Variants in GET1 observed in about 807,000 individuals in gnomAD.
GET1 encodes the protein guided entry of tail-anchored proteins factor 1, also known as congenital heart disease 5 protein.
Under a neutral mutation model 22.6 loss-of-function variants are expected in GET1, and 20 were observed. The ratio of observed to expected loss-of-function variants is 0.89; its 90% CI spans 0.62 to 1.29. The LOEUF is 1.29. Among genes scored for constraint, GET1 ranks in the 50% most tolerant of loss-of-function variants. GET1 has a pLI of 0.00. For missense variants in GET1, 209 were observed against 219.9 expected, an observed-to-expected ratio of 0.95 and a Z score of 0.31; for synonymous variants, 92 against 83.8, an observed-to-expected ratio of 1.10 and a Z score of -0.53.
chr21:39,422,980 A>AT (rs1198290766), intron 1 of GET1: 4 of 1,613,140 alleles, frequency 2.5e-6, no homozygotes, highest in Non-Finnish European at 2.5e-6. Context: ...ACAGACCTGT[A>AT]TTTTTTTGTC....
chr21:39,391,556 A>G (rs748805787), intron 2 of GET1: 14 of 524,586 alleles, frequency 2.7e-5, no homozygotes, highest in Non-Finnish European at 4.7e-5. Context: ...AGCTATTCAA[A>G]TCTCAATCTG....
At chr21:39,416,909 T>C (rs1190837307) in intron 1 of GET1, among the ~76,000 whole-genome samples, 1 of 152,246 alleles carries the variant, frequency 6.6e-6, no homozygotes, top group Non-Finnish European at 1.5e-5. Flanking sequence ...TTTCTGTGGC[T>C]TTGTGCCACC....
At chr21:39,414,734 C>CTGTGTG (rs1446676855) in intron 1 of GET1, among the ~76,000 whole-genome samples, 73 of 103,258 alleles carry the variant, frequency 7.1e-4, no homozygotes, top group African/African-American at 2.3e-3. Flanking sequence ...CTCTCTCTCT[C>CTGTGTG]TCTCTCTCTG....
At chr21:39,414,740 C>G (rs34548181) in intron 1 of GET1, among the ~76,000 whole-genome samples, 52,519 of 98,956 alleles carry the variant, frequency 0.53, 13,095 homozygotes, top group Admixed American at 0.58. Context: ...CTCTCTCTCT[C>G]TCTGTGTGTG....
intron 1 of GET1, among the ~76,000 whole-genome samples, chr21:39,382,243 C>CG (rs1224847177): frequency 1.3e-5 from 2 of 151,888 alleles, no homozygotes; most frequent in African/African-American, 4.8e-5. Flanking sequence ...TTAATAGAGA[C>CG]GGGGTCTCAC....
chr21:39,385,792 G>A (rs1569031525), intron 1 of GET1, among the ~76,000 whole-genome samples: 2 of 151,754 alleles, frequency 1.3e-5, no homozygotes, highest in Admixed American at 1.3e-4. Context: ...CATGCAAGCC[G>A]CACGCACTGC....
chr21:39,422,951 C>T (rs1167952072), intron 1 of GET1: 2 of 1,599,462 alleles, frequency 1.3e-6, no homozygotes, highest in East Asian at 2.2e-5. Context: ...GAATCTTAAA[C>T]TGTCTGGGCC....
chr21:39,398,882 G>A (rs2038768622), downstream of GET1, among the ~76,000 whole-genome samples: 1 of 152,020 alleles, frequency 6.6e-6, no homozygotes, highest in South Asian at 2.1e-4. Flanking sequence ...TGGGATTACA[G>A]GCGCCCGCCA....
At chr21:39,383,607 C>G (rs1375334470) in intron 1 of GET1, among the ~76,000 whole-genome samples, 3 of 147,284 alleles carry the variant, frequency 2.0e-5, no homozygotes, top group African/African-American at 7.6e-5. Flanking sequence ...GAGAGGGAGT[C>G]TCTCTCTGTC....
chr21:39,387,376 T>G (rs1482501701), intron 1 of GET1, among the ~76,000 whole-genome samples: 1 of 152,220 alleles, frequency 6.6e-6, no homozygotes, highest in Non-Finnish European at 1.5e-5. Flanking sequence ...GTCAGATTTA[T>G]TGAAGTGTAA....
intron 1 of GET1, among the ~76,000 whole-genome samples, chr21:39,414,732 C>CTGTGTGTGTGTGTG (rs1464601997): frequency 4.5e-5 from 5 of 110,390 alleles, no homozygotes; most frequent in African/African-American, 2.0e-4. Flanking sequence ...CTCTCTCTCT[C>CTGTGTGTGTGTGTG]TCTCTCTCTC....
chr21:39,424,380 C>T (rs2074278450), intron 1 of GET1, among the ~76,000 whole-genome samples: 1 of 152,124 alleles, frequency 6.6e-6, no homozygotes, highest in Admixed American at 6.6e-5. Context: ...CCTCAGGAAG[C>T]CTTGGCGGGA....
At chr21:39,403,707 T>C (rs953945684) in intron 4 of GET1, among the ~76,000 whole-genome samples, 4 of 144,884 alleles carry the variant, frequency 2.8e-5, no homozygotes, top group South Asian at 2.2e-4. Flanking sequence ...CTGCAACCTC[T>C]GCCTCCCAGG....
downstream of GET1, chr21:39,407,861 CA>C (rs1460697450): frequency 6.6e-6 from 1 of 152,254 alleles, no homozygotes; most frequent in East Asian, 1.9e-4. Context: ...GACCACAGTG[CA>C]ACTGCAACTG....
rs2038728851 is a variant in GET1 at position 39,397,681 on chromosome 21, T to C, written c.*742T>C. 1 of 81,704 alleles carries C rather than the reference T, an allele frequency of 1.2e-5. No homozygotes were observed. Among genetic ancestry groups the C allele is most frequent in the South Asian group, 4.5e-4 (1 of 2,222 alleles). The allele number at this position is 81,704 out of a possible 1,614,324, so 5.1% of individuals were successfully genotyped here. ...GAACACAGAAAACAAACCTTATAAG[T>C]CCTGATTAATCTGAACCAATAACCT... On this transcript the variant is annotated 3_prime_UTR_variant, in exon 5 of 5. Coordinates refer to ENST00000649170, the MANE Select transcript of GET1 (RefSeq NM_004627.6).
chr21:39,397,839 G>T lies in GET1; in HGVS notation c.*900G>T, dbSNP rs968615772. ...GCTGTGAGCCACCCGCAACTGACAA[G>T]TGGCTGTTAACTGAGTCACCATATC... On this transcript the variant is annotated 3_prime_UTR_variant, in exon 5 of 5. Transcript: ENST00000649170. 5.3e-5 allele frequency: 8 copies of T among 152,202 alleles called. No individual in the cohort carries two copies. Among genetic ancestry groups the T allele is most frequent in the Admixed American group, 1.3e-4 (2 of 15,276 alleles). 9.4% of individuals were successfully genotyped at this position (152,202 alleles called of 1,614,324 possible). A position where few individuals can be genotyped will look rare whatever the true frequency, so the allele number is the denominator to read the frequency against.
intron 1 of GET1, among the ~76,000 whole-genome samples, chr21:39,424,445 C>T (rs981156522): frequency 6.6e-6 from 1 of 152,222 alleles, no homozygotes. Flanking sequence ...TGCACCACTG[C>T]ATTCCAGCCT....
chr21:39,413,503 A>G (rs2040469311), intron 1 of GET1, among the ~76,000 whole-genome samples: 1 of 152,234 alleles, frequency 6.6e-6, no homozygotes, highest in Non-Finnish European at 1.5e-5. Context: ...CCTGAATTGT[A>G]CAGTGTAAAT....
chr21:39,403,700 C>A (rs2038903524), intron 4 of GET1, among the ~76,000 whole-genome samples: 1 of 151,922 alleles, frequency 6.6e-6, no homozygotes, highest in South Asian at 2.1e-4. Context: ...TGGCTCACTG[C>A]AACCTCTGCC....
Sources: allele counts gnomAD v4.1 joint callset (sites outside exome capture counted in the v4.1 genomes callset), GRCh38; gene constraint gnomAD v4.1.1; transcripts MANE v1.5; gene names NCBI Gene and HGNC (gene_info 2026-07-23, HGNC 2026-07-21).